The following XYLT2 variants were observed in gnomAD, a reference collection of about 807,000 sequenced individuals.
The protein encoded by XYLT2 is UDP-D-xylose:proteoglycan core protein beta-D-xylosyltransferase.
A neutral mutation model predicts 82.6 loss-of-function variants in XYLT2; 37 were observed. That is an observed-to-expected ratio of 0.45 (90% confidence interval 0.34 to 0.59). XYLT2 has a LOEUF of 0.59. Ranked by LOEUF, XYLT2 falls within the 20% of genes least tolerant of loss-of-function variation. The pLI, the probability that XYLT2 is intolerant of heterozygous loss-of-function variation, is 0.01. For missense variants in XYLT2, 934 were observed against 1,181.3 expected, an observed-to-expected ratio of 0.79 and a Z score of 3.07; for synonymous variants, 474 against 499.0, an observed-to-expected ratio of 0.95 and a Z score of 0.67.
At position 50,360,549 on chromosome 17, in the gene XYLT2, C is replaced by A. The variant is rs1912758811; in HGVS notation, c.*258C>A. 8.4e-7 allele frequency: 1 copy of A among 1,196,966 alleles called. No individual in the cohort carries two copies. The highest frequency in any genetic ancestry group is 1.0e-6 in the Non-Finnish European group (1 of 966,834). 74.1% of individuals were successfully genotyped at this position (1,196,966 alleles called of 1,614,324 possible). Reference sequence around the variant, plus strand: ...ACCCAGCTCTTCCTCACCTTCCTGTCTAGTTTGAATTTCTTTTTTTTCTTT... The same window carrying A: ...ACCCAGCTCTTCCTCACCTTCCTGTATAGTTTGAATTTCTTTTTTTTCTTT... On this transcript the variant is annotated 3_prime_UTR_variant, in exon 11 of 11. Transcript: ENST00000017003.
chr17:50,359,801 G>A (rs1912720315), intron 10 of XYLT2, 168 bp from the exon 11 acceptor site: 5 of 638,738 alleles, frequency 7.8e-6, no homozygotes, highest in Non-Finnish European at 1.3e-5. Context: ...ATAAAACTCA[G>A]TTTTATAGGC....
chr17:50,360,445 A>T lies in XYLT2; in HGVS notation c.*154A>T. 1 of 1,420,376 alleles carries T rather than the reference A, an allele frequency of 7.0e-7. No homozygotes were observed. Among genetic ancestry groups the T allele is most frequent in the East Asian group, 2.6e-5 (1 of 39,182 alleles). 88.0% of individuals were successfully genotyped at this position (1,420,376 alleles called of 1,614,324 possible). Reference sequence around the variant, plus strand: ...CACAGACGGCAGGGAAGGTGGACACAGTATGAACTACTGCTGATGTCTCTG... The same window carrying T: ...CACAGACGGCAGGGAAGGTGGACACTGTATGAACTACTGCTGATGTCTCTG... On this transcript the variant is annotated 3_prime_UTR_variant, in exon 11 of 11. Coordinates refer to ENST00000017003, the MANE Select transcript of XYLT2 (RefSeq NM_022167.4).
chr17:50,360,274 G>C lies in XYLT2; in HGVS notation c.2581G>C (p.Asp861His). The C allele has an allele frequency of 6.3e-7, 1 of 1,598,246 alleles. No individual in the cohort carries two copies. The highest frequency in any genetic ancestry group is 2.2e-5 in the East Asian group (1 of 44,554). Reference protein sequence around the residue: ...PKSELGPVKADGRLR With the variant: ...PKSELGPVKAHGRLR The stretch of plus-strand genomic sequence containing the variant: ...ATCAGAGCTGGGGCCTGTCAAAGCA[G>C]ACGGGCGACTCAGGTAGCAGGGCCC... The change falls in exon 11 of 11, where the codon GAC (aspartate) becomes CAC (histidine). Residue 861 changes from aspartate (D) to histidine (H), a missense_variant. By Grantham distance (81) the Asp-to-His change is moderately conservative. Around this residue, in one of 3 missense-constraint regions of XYLT2, gnomAD observed 374 missense variants for 465.6 expected, o/e 0.80. Coordinates refer to ENST00000017003, the MANE Select transcript of XYLT2 (RefSeq NM_022167.4).
At chr17:50,350,028 C>T (rs114006023) in intron 1 of XYLT2, among the ~76,000 whole-genome samples, 29,918 of 147,938 alleles carry the variant, frequency 0.2, 4,491 homozygotes, top group Admixed American at 0.31. Flanking sequence ...ACTAAAAATA[C>T]AAAAAGTTGC....
chr17:50,354,267 GT>G, intron 2 of XYLT2, 140 bp from the exon 3 acceptor site: 1 of 1,499,708 alleles, frequency 6.7e-7, no homozygotes, highest in Non-Finnish European at 8.9e-7. Context: ...TACTTACTAA[GT>G]GGCAGAGGCA....
At position 50,358,469 on chromosome 17, in the gene XYLT2, G is replaced by T. The variant is rs1373295600; in HGVS notation, c.2204G>T (p.Trp735Leu). Residue 735 changes from tryptophan to leucine, a missense_variant, in exon 10 of 11, where the codon TGG (tryptophan) becomes TTG (leucine). Coordinates refer to ENST00000017003, the MANE Select transcript of XYLT2 (RefSeq NM_022167.4). ...TGGACTGTTCGACTCCTTCAGTTCT[G>T]GGAACCGCTGGGTGAGACCCGCTTC... ...GPWTVRLLQF[W>L]EPLGETRFLV... 6.2e-7 allele frequency: 1 copy of T among 1,614,198 alleles called. No homozygotes were observed. Among genetic ancestry groups the T allele is most frequent in the African/African-American group, 1.3e-5 (1 of 75,064 alleles).
chr17:50,346,687 C>A lies in XYLT2; in HGVS notation c.135+412C>A. The A allele has an allele frequency of 2.0e-6, 2 of 985,238 alleles. No homozygotes were observed. The highest frequency in any genetic ancestry group is 2.4e-6 in the Non-Finnish European group (2 of 829,870). The allele number at this position is 985,238 out of a possible 1,614,324, so 61.0% of individuals were successfully genotyped here. A position where few individuals can be genotyped will look rare whatever the true frequency, so the allele number is the denominator to read the frequency against. On this transcript the variant is annotated intron_variant, in intron 1 of 10. Coordinates refer to ENST00000017003, the MANE Select transcript of XYLT2 (RefSeq NM_022167.4). This position sits in a 1 kb window ranked among gnomAD's most constrained non-coding sequence, Gnocchi z 5.1. Reference sequence around the variant, plus strand: ...GGGGCGGGGATATGCGCGCCGTGGGCGGAGGAGTAGGGCCAAGGGACTCAG... The same window carrying A: ...GGGGCGGGGATATGCGCGCCGTGGGAGGAGGAGTAGGGCCAAGGGACTCAG...
chr17:50,346,349 C>T lies in XYLT2; in HGVS notation c.135+74C>T. ...GGGTCCTGGCGGGGCTGCGGGCGGC[C>T]CCAGCCGGGGAAGTGGGGCACGGGC... is the stretch of plus-strand genomic sequence containing the variant. On this transcript the variant is annotated intron_variant, in intron 1 of 10. Coordinates refer to ENST00000017003, the MANE Select transcript of XYLT2 (RefSeq NM_022167.4). This position sits in a 1 kb window ranked among gnomAD's most constrained non-coding sequence, Gnocchi z 5.1. 1.0e-6 allele frequency: 1 copy of T among 995,214 alleles called. No homozygotes were observed. The highest frequency in any genetic ancestry group is 1.1e-4 in the East Asian group (1 of 9,262). The allele number at this position is 995,214 out of a possible 1,614,324, so 61.6% of individuals were successfully genotyped here.
At chr17:50,351,627 C>CT (rs2143201589) in intron 1 of XYLT2, among the ~76,000 whole-genome samples, 1 of 152,162 alleles carries the variant, frequency 6.6e-6, no homozygotes, top group East Asian at 1.9e-4. Flanking sequence ...GAGCAAGACT[C>CT]TATCTAAAAG....
At chr17:50,349,196 C>T (rs1318832977) in intron 1 of XYLT2, among the ~76,000 whole-genome samples, 1 of 152,252 alleles carries the variant, frequency 6.6e-6, no homozygotes, top group Non-Finnish European at 1.5e-5. Context: ...GGCTTCCACT[C>T]GGAGAGCCTA....
At chr17:50,358,664 G>GCCCCA in intron 10 of XYLT2, 124 bp downstream of exon 10, 4 of 1,050,202 alleles carry the variant, frequency 3.8e-6, no homozygotes, top group Non-Finnish European at 5.4e-6. Context: ...AGCATGGAAG[G>GCCCCA]GCTGGGGCCT....
At position 50,347,288 on chromosome 17, in the gene XYLT2, C is replaced by T. The variant is rs570994313; in HGVS notation, c.135+1013C>T. 7.2e-5 allele frequency among the ~76,000 whole-genome samples: 11 copies of T among 152,348 alleles called. No individual in the cohort carries two copies. In the South Asian group the frequency reaches 1.9e-3, roughly 26 times the overall value. On this transcript the variant is annotated intron_variant, in intron 1 of 10. Coordinates refer to ENST00000017003, the MANE Select transcript of XYLT2 (RefSeq NM_022167.4). ...TCCGGGTCAGAGACTCTATCTGCTG[C>T]TGTCCTCCGGCAAGCCCCGATACCC...
rs1391992864 is a variant in XYLT2, at chr17:50,357,303, G to A, written c.1941+51G>A. The A allele has an allele frequency of 6.1e-6, 9 of 1,483,780 alleles. No individual in the cohort carries two copies. The Admixed American group carries it at 7.0e-5, about 12-fold the overall frequency. The allele number at this position is 1,483,780 out of a possible 1,614,324, so 91.9% of individuals were successfully genotyped here. On this transcript the variant is annotated intron_variant, in intron 9 of 10. Coordinates refer to ENST00000017003, the MANE Select transcript of XYLT2 (RefSeq NM_022167.4). ...CTCCCAACCCCCACCCAGACTTGGG[G>A]TAGTGGGAAGAGAGGGACAGACACC...
Position 50,346,860 on chromosome 17 carries a change from G to A in XYLT2, c.135+585G>A. On this transcript the variant is annotated intron_variant, in intron 1 of 10. Transcript: ENST00000017003. This position sits in a 1 kb window ranked among gnomAD's most constrained non-coding sequence, Gnocchi z 5.1. ...AGGAGAGAACTGGAGTATTCCCGAG[G>A]TGTGGCTTCCTCAGCCGGGGGTTTG... 1 of 985,400 alleles carries A rather than the reference G, an allele frequency of 1.0e-6. No individual in the cohort carries two copies. Among genetic ancestry groups the A allele is most frequent in the Non-Finnish European group, 1.2e-6 (1 of 829,922 alleles). The allele number at this position is 985,400 out of a possible 1,614,324, so 61.0% of individuals were successfully genotyped here. A position where few individuals can be genotyped will look rare whatever the true frequency, so the allele number is the denominator to read the frequency against.
In XYLT2 at chr17:50,355,054, C is replaced by G; in HGVS notation, c.1005C>G (p.Thr335=). The G allele has an allele frequency of 6.5e-7, 1 of 1,530,122 alleles. No homozygotes were observed. Among genetic ancestry groups the G allele is most frequent in the East Asian group, 2.3e-5 (1 of 44,084 alleles). The allele number at this position is 1,530,122 out of a possible 1,614,324, so 94.8% of individuals were successfully genotyped here. A position where few individuals can be genotyped will look rare whatever the true frequency, so the allele number is the denominator to read the frequency against. Residue 335 remains threonine, a splice_region_variant and synonymous_variant, in exon 4 of 11, where the codon ACC becomes ACG. Coordinates refer to ENST00000017003, the MANE Select transcript of XYLT2 (RefSeq NM_022167.4). The part of the protein sequence containing the change: ...FINLSATDYP[T]RTNEELVAFL... ...ACCTCAGTGCCACTGACTATCCAAC[C>G]AGGTGTGGGGATGGGGCTCTGAGTC... is the stretch of plus-strand genomic sequence containing the variant.
chr17:50,357,434 T>C (rs1009503232), intron 9 of XYLT2, 182 bp downstream of exon 9: 1 of 595,012 alleles, frequency 1.7e-6, no homozygotes, highest in Non-Finnish European at 2.9e-6. Flanking sequence ...GAGCACCTCC[T>C]GGTTGGGGTA....
chr17:50,358,982 A>T, intron 10 of XYLT2: 1 of 166,174 alleles, frequency 6.0e-6, no homozygotes, highest in East Asian at 1.6e-4. Flanking sequence ...CCTCACTGTG[A>T]ACCAGAGGTG....
At chr17:50,358,128 T>G in intron 9 of XYLT2, 79 bp from the exon 10 acceptor site, 1 of 1,324,890 alleles carries the variant, frequency 7.5e-7, no homozygotes, top group African/African-American at 1.5e-5. Context: ...GGCCTGAGAT[T>G]ACACAGTGAG....
At chr17:50,357,917 T>A in intron 9 of XYLT2, 1 of 390,730 alleles carries the variant, frequency 2.6e-6, no homozygotes, top group Non-Finnish European at 4.6e-6. Context: ...TTTGGCTTCA[T>A]GTGGGAATGG....
Sources: allele counts gnomAD v4.1 joint callset (sites outside exome capture counted in the v4.1 genomes callset), GRCh38; gene constraint gnomAD v4.1.1; regional missense constraint gnomAD v4.1.1; non-coding constraint Gnocchi (gnomAD v3.1); transcripts MANE v1.5; gene names NCBI Gene and HGNC (gene_info 2026-07-23, HGNC 2026-07-21).